Variants in BOD1L1 observed in about 807,000 individuals in gnomAD.
BOD1L1 encodes the protein biorientation of chromosomes in cell division protein 1-like 1.
A neutral mutation model predicts 240.7 loss-of-function variants in BOD1L1; 86 were observed. That is an observed-to-expected ratio of 0.36 (90% CI 0.30 to 0.43). The LOEUF (loss-of-function observed/expected upper bound fraction) is 0.43. BOD1L1 is among the 20% of genes least tolerant of loss of function. BOD1L1 has a pLI of 1.00. For missense variants in BOD1L1, 3,554 were observed against 3,643.5 expected, an observed-to-expected ratio of 0.98 and a Z score of 0.63; for synonymous variants, 1,268 against 1,272.3, an observed-to-expected ratio of 1.00 and a Z score of 0.07.
chr4:13,627,601 G>GGGGA lies in BOD1L1; in HGVS notation c.-18_-15dup, dbSNP rs1330962066. 2.6e-6 allele frequency: 3 copies of GGGGA among 1,146,866 alleles called. No individual in the cohort carries two copies. The highest frequency in any genetic ancestry group is 3.2e-6 in the Non-Finnish European group (3 of 932,692). The allele number at this position is 1,146,866 out of a possible 1,614,324, so 71.0% of individuals were successfully genotyped here. A position where few individuals can be genotyped will look rare whatever the true frequency, so the allele number is the denominator to read the frequency against. ...GTTGGTGGCCATGGTGGCCTGTGCC[G>GGGGA]GGGAGGGCAAGGGCCCTGACCGGCG... On this transcript the variant is annotated 5_prime_UTR_variant, in exon 1 of 26. Coordinates refer to ENST00000040738, the MANE Select transcript of BOD1L1 (RefSeq NM_148894.3).
rs1713444757 is a variant in BOD1L1 at position 13,584,051 on chromosome 4, T to C, written c.8434-1315A>G. Among the ~76,000 whole-genome samples the C allele has an allele frequency of 2.0e-5, 3 of 152,222 alleles. No individual in the cohort carries two copies. In the South Asian group the frequency reaches 6.2e-4, roughly 32 times the overall value. ...AGGTGATGTCAGAGGAGAGCTCACT[T>C]TCAGTGATGGCACCAGGGCCAACAA... On this transcript the variant is annotated intron_variant, in intron 17 of 25. Transcript: ENST00000040738.
At chr4:13,594,241 C>T (rs1371298339) in intron 12 of BOD1L1, among the ~76,000 whole-genome samples, 4 of 151,894 alleles carry the variant, frequency 2.6e-5, no homozygotes, top group African/African-American at 9.7e-5. Context: ...CTGTTTACTC[C>T]ACCTGACTTG....
In BOD1L1 at chr4:13,600,538, C is replaced by G; in HGVS notation, c.6362G>C (p.Ser2121Thr). The change falls in exon 10 of 26, where the codon AGT becomes ACT. Residue 2121 changes from serine (S) to threonine (T), a missense_variant. Ser to Thr is a moderately conservative substitution (Grantham distance 58). This residue lies in a region of BOD1L1 where 3,393 missense variants were observed against 3,427.1 expected (regional missense o/e 0.99). Coordinates refer to ENST00000040738, the MANE Select transcript of BOD1L1 (RefSeq NM_148894.3). ...TTEEFEAPMP[S>T]AVSGDDSQLT... ...TTGGCTGTCATCTCCTGAGACTGCACTGGGCATGGGGGCCTCAAATTCTTC... is the reference window on the plus strand; with the variant it reads ...TTGGCTGTCATCTCCTGAGACTGCAGTGGGCATGGGGGCCTCAAATTCTTC... The G allele has an allele frequency of 6.2e-7, 1 of 1,614,010 alleles. No homozygotes were observed.
rs747128071 is a variant in BOD1L1, at chr4:13,579,919, G to C, written c.8749+9C>G. On this transcript the variant is annotated intron_variant, in intron 22 of 25. Coordinates refer to ENST00000040738, the MANE Select transcript of BOD1L1 (RefSeq NM_148894.3). ...AGATAACACACAGAGGAATGCGGTA[G>C]GTACATACCTGTTTGCATTACTTTC... 2.6e-6 allele frequency: 4 copies of C among 1,557,294 alleles called. No individual in the cohort carries two copies. Among genetic ancestry groups the C allele is most frequent in the Middle Eastern group, 1.7e-4 (1 of 6,002 alleles).
Position 13,586,477 on chromosome 4 carries a change from T to G in BOD1L1, c.8354-2A>C. The G allele has an allele frequency of 1.3e-6, 2 of 1,598,256 alleles. No individual in the cohort carries two copies. Among genetic ancestry groups the G allele is most frequent in the Non-Finnish European group, 1.7e-6 (2 of 1,167,558 alleles). The stretch of plus-strand genomic sequence containing the variant: ...AATCCAGGACATCTGGATTATCATC[T>G]GTAAATCAGTTTAGACAGAATCACA... On this transcript the variant is annotated splice_acceptor_variant, in intron 16 of 25. Transcript: ENST00000040738. LOFTEE classifies it high-confidence loss of function.
chr4:13,613,444 A>G lies in BOD1L1; in HGVS notation c.1324+68T>C. The G allele has an allele frequency of 7.2e-7, 1 of 1,393,166 alleles. No individual in the cohort carries two copies. Among genetic ancestry groups the G allele is most frequent in the South Asian group, 1.4e-5 (1 of 70,058 alleles). The allele number at this position is 1,393,166 out of a possible 1,614,324, so 86.3% of individuals were successfully genotyped here. On this transcript the variant is annotated intron_variant, in intron 5 of 25. Transcript: ENST00000040738. This position sits in a 1 kb window ranked among gnomAD's most constrained non-coding sequence, Gnocchi z 4.0. Reference sequence around the variant, plus strand: ...TATACCACACTGTTTCTCAGGATATAGCCATCAGAATATACAAATAATGCT... The same window carrying G: ...TATACCACACTGTTTCTCAGGATATGGCCATCAGAATATACAAATAATGCT...
Position 13,611,100 on chromosome 4 carries a change from T to A in BOD1L1, c.1325A>T (p.Asp442Val), listed in dbSNP as rs750856509. 1.3e-6 allele frequency: 2 copies of A among 1,592,352 alleles called. No individual in the cohort carries two copies. Among genetic ancestry groups the A allele is most frequent in the Non-Finnish European group, 1.7e-6 (2 of 1,165,242 alleles). Residue 442 changes from aspartate (D) to valine (V), a missense_variant and splice_region_variant, in exon 6 of 26, where the codon GAT becomes GTT. Asp to Val is a radical substitution (Grantham distance 152). This residue lies in a region of BOD1L1 where 3,393 missense variants were observed against 3,427.1 expected (regional missense o/e 0.99). Coordinates refer to ENST00000040738, the MANE Select transcript of BOD1L1 (RefSeq NM_148894.3). ...SMEEGEITSD[D>V]EEKNKQNKTK... is the part of the protein sequence containing the mutation. Reference sequence around the variant, plus strand: ...TTTATTCTGTTTGTTCTTCTCTTCATCTGTAAGAAAGTTAATAGAAAGAGG... The same window carrying A: ...TTTATTCTGTTTGTTCTTCTCTTCAACTGTAAGAAAGTTAATAGAAAGAGG...
In BOD1L1 at chr4:13,608,628, A is replaced by C. The variant is rs762875581; in HGVS notation, c.1644T>G (p.Ser548Arg). 1.5e-5 allele frequency: 23 copies of C among 1,556,538 alleles called. No homozygotes were observed. The South Asian group carries it at 2.8e-4, about 19-fold the overall frequency. Residue 548 changes from serine (S) to arginine (R), a missense_variant, in exon 8 of 26, where the codon AGT becomes AGG. Transcript: ENST00000040738. ...SVDLEESSTK[S>R]LEPKAARIKE... ...TAATTCTGGCGGCTTTAGGTTCCAA[A>C]CTCTTTGTTGATGATTCTTCTAAGT...
At chr4:13,570,661 T>C (rs1255148890) in intron 25 of BOD1L1, among the ~76,000 whole-genome samples, 2 of 152,226 alleles carry the variant, frequency 1.3e-5, no homozygotes, top group Non-Finnish European at 2.9e-5. Flanking sequence ...CCTGTTGATA[T>C]AGTCTGTGAT....
chr4:13,572,312 A>AT (rs1267559964), intron 25 of BOD1L1, among the ~76,000 whole-genome samples: 1 of 152,256 alleles, frequency 6.6e-6, no homozygotes, highest in South Asian at 2.1e-4. Context: ...GGCTGCAGTG[A>AT]AAGGTGTAAG....
intron 12 of BOD1L1, among the ~76,000 whole-genome samples, chr4:13,594,672 G>A (rs1056889699): frequency 2.1e-4 from 32 of 152,070 alleles, no homozygotes; most frequent in African/African-American, 7.5e-4. Flanking sequence ...CAAGGCGGGC[G>A]GATCACGAGG....
chr4:13,620,523 T>G (rs146769898), intron 1 of BOD1L1, among the ~76,000 whole-genome samples: 1 of 152,138 alleles, frequency 6.6e-6, no homozygotes, highest in Admixed American at 6.5e-5. Flanking sequence ...AGCCTCCAAA[T>G]TGGTGGTCCA....
intron 1 of BOD1L1, chr4:13,625,369 G>A (rs976608980): frequency 1.3e-5 from 2 of 152,192 alleles, no homozygotes; most frequent in African/African-American, 4.8e-5. Flanking sequence ...TTTCTTGAGA[G>A]AAGGTCCTAA....
chr4:13,614,151 ACT>A (rs1167658646), intron 4 of BOD1L1, 43 bp downstream of exon 4: 2 of 1,426,020 alleles, frequency 1.4e-6, no homozygotes, highest in African/African-American at 1.5e-5. Flanking sequence ...ATCCCAAAAC[ACT>A]CTGTTCTTTA....
Position 13,600,900 on chromosome 4 carries a change from G to A in BOD1L1, c.6000C>T (p.Ser2000=), listed in dbSNP as rs1447235345. The A allele has an allele frequency of 6.2e-7, 1 of 1,613,868 alleles. No homozygotes were observed. Among genetic ancestry groups the A allele is most frequent in the Non-Finnish European group, 8.5e-7 (1 of 1,179,854 alleles). ...QLEKVEDTTI[S]TGLVGGSYDV... ...CGTAACTACCCCCGACCAGGCCAGT[G>A]GAAATAGTGGTATCTTCAACTTTTT... The change falls in exon 10 of 26, where the codon TCC becomes TCT. Residue 2000 remains serine, a synonymous_variant. Coordinates refer to ENST00000040738, the MANE Select transcript of BOD1L1 (RefSeq NM_148894.3).
Position 13,608,629 on chromosome 4 carries a change from C to T in BOD1L1, c.1643G>A (p.Ser548Asn), listed in dbSNP as rs768536866. ...AATTCTGGCGGCTTTAGGTTCCAAA[C>T]TCTTTGTTGATGATTCTTCTAAGTC... ...SVDLEESSTK[S>N]LEPKAARIKE... Residue 548 changes from serine to asparagine, a missense_variant, in exon 8 of 26, where the codon AGT becomes AAT. Ser to Asn is a conservative substitution (Grantham distance 46). Around this residue, in one of 2 missense-constraint regions of BOD1L1, gnomAD observed 3,393 missense variants for 3,427.1 expected, o/e 0.99. Coordinates refer to ENST00000040738, the MANE Select transcript of BOD1L1 (RefSeq NM_148894.3). The T allele has an allele frequency of 1.3e-6, 2 of 1,556,000 alleles. No homozygotes were observed. The highest frequency in any genetic ancestry group is 1.7e-6 in the Non-Finnish European group (2 of 1,153,086).
chr4:13,626,520 C>T (rs1717407075), intron 1 of BOD1L1, among the ~76,000 whole-genome samples: 1 of 152,122 alleles, frequency 6.6e-6, no homozygotes, highest in African/African-American at 2.4e-5. Flanking sequence ...GTGTCTTTGG[C>T]TAATTCTTTG....
In BOD1L1 at chr4:13,602,253, C is replaced by A. The variant is rs756631489; in HGVS notation, c.4647G>T (p.Glu1549Asp). ...TTTSSETRQS[E>D]VALPCTSIEA... The stretch of plus-strand genomic sequence containing the variant: ...CAATGCTGGTGCAAGGCAAAGCCAC[C>A]TCACTTTGTCTTGTTTCTGAAGAAG... The change falls in exon 10 of 26, where the codon GAG becomes GAT. Residue 1549 changes from glutamate to aspartate, a missense_variant. Glu to Asp is a conservative substitution (Grantham distance 45, BLOSUM62 2). This residue lies in a region of BOD1L1 where 3,393 missense variants were observed against 3,427.1 expected (regional missense o/e 0.99). Coordinates refer to ENST00000040738, the MANE Select transcript of BOD1L1 (RefSeq NM_148894.3). 6.2e-7 allele frequency: 1 copy of A among 1,613,960 alleles called. No homozygotes were observed. Among genetic ancestry groups the A allele is most frequent in the Non-Finnish European group, 8.5e-7 (1 of 1,179,852 alleles).
At chr4:13,595,422 G>A (rs1714539649) in intron 12 of BOD1L1, among the ~76,000 whole-genome samples, 1 of 152,164 alleles carries the variant, frequency 6.6e-6, no homozygotes, top group Admixed American at 6.5e-5. Context: ...GGTTATACAA[G>A]CTGAGAGCAG....
Sources: allele counts gnomAD v4.1 joint callset (sites outside exome capture counted in the v4.1 genomes callset), GRCh38; gene constraint gnomAD v4.1.1; regional missense constraint gnomAD v4.1.1; non-coding constraint Gnocchi (gnomAD v3.1); transcripts MANE v1.5; gene names NCBI Gene and HGNC (gene_info 2026-07-23, HGNC 2026-07-21).